OR7D2: variants seen among roughly 807,000 people sequenced by gnomAD.
OR7D2 encodes olfactory receptor 7D2.
For synonymous variants in OR7D2, 158 were observed against 158.7 expected, an observed-to-expected ratio of 1.00 and a Z score of 0.03; for missense variants, 370 against 384.1, an observed-to-expected ratio of 0.96 and a Z score of 0.31.
chr19:9,185,988 T>C lies in OR7D2; in HGVS notation c.207T>C (p.Val69=), dbSNP rs56246934. 441,756 of 1,613,662 alleles carry C rather than the reference T, an allele frequency of 0.27. 62,127 individuals are homozygous for C. Among genetic ancestry groups the C allele is most frequent in the Middle Eastern group, 0.29 (1,740 of 6,060 alleles). The change falls in exon 3 of 3, where the codon GTT becomes GTC. Residue 69 remains valine (V), a synonymous_variant. Transcript: ENST00000641288. The part of the protein sequence containing the change: ...MYFFLSNLSW[V]DICFSTCIVP... ...TCTTCCTCTCCAACCTGTCCTGGGT[T>C]GACATCTGTTTCAGCACTTGCATCG...
In OR7D2 at chr19:9,188,338, C is replaced by G. The variant is rs2051054488; in HGVS notation, c.*1618C>G. 6.3e-6 allele frequency: 1 copy of G among 157,664 alleles called. No individual in the cohort carries two copies. Among genetic ancestry groups the G allele is most frequent in the Admixed American group, 6.5e-5 (1 of 15,270 alleles). 9.8% of individuals were successfully genotyped at this position (157,664 alleles called of 1,614,324 possible). A position where few individuals can be genotyped will look rare whatever the true frequency, so the allele number is the denominator to read the frequency against. On this transcript the variant is annotated 3_prime_UTR_variant, in exon 3 of 3. Coordinates refer to ENST00000641288, the MANE Select transcript of OR7D2 (RefSeq NM_175883.4). Reference sequence around the variant, plus strand: ...AACTCCTGACCTCAGGTGATACGCCCACCTCGGCCTCCCAAAGTGCTGGGA... The same window carrying G: ...AACTCCTGACCTCAGGTGATACGCCGACCTCGGCCTCCCAAAGTGCTGGGA...
chr19:9,179,389 A>C (rs2145977452), intron 1 of OR7D2, among the ~76,000 whole-genome samples: 1 of 151,986 alleles, frequency 6.6e-6, no homozygotes, highest in Admixed American at 6.6e-5. Flanking sequence ...AAAATACAAA[A>C]ATTAGCTGGG....
At position 9,187,402 on chromosome 19, in the gene OR7D2, C is replaced by T. The variant is rs80252081; in HGVS notation, c.*682C>T. On this transcript the variant is annotated 3_prime_UTR_variant, in exon 3 of 3. Transcript: ENST00000641288. ...GATGTTGCTGCAAAAGACATGATTT[C>T]ATCCTTTTTTATGGCTGAGTAGTAC... is the stretch of plus-strand genomic sequence containing the variant. The T allele has an allele frequency of 6.0e-3, 1,002 of 166,162 alleles. 14 individuals are homozygous for T. The East Asian group carries it at 0.074, about 12-fold the overall frequency. 10.3% of individuals were successfully genotyped at this position (166,162 alleles called of 1,614,324 possible). A position where few individuals can be genotyped will look rare whatever the true frequency, so the allele number is the denominator to read the frequency against.
chr19:9,182,455 C>T lies in OR7D2; in HGVS notation c.-14+1667C>T, dbSNP rs537355153. 9 of 311,056 alleles carry T rather than the reference C, an allele frequency of 2.9e-5. 1 individual carries two copies. The highest frequency in any genetic ancestry group is 1.1e-3 in the Middle Eastern group (1 of 872). 19.3% of individuals were successfully genotyped at this position (311,056 alleles called of 1,614,324 possible). On this transcript the variant is annotated intron_variant, in intron 2 of 2. Transcript: ENST00000641288. The stretch of plus-strand genomic sequence containing the variant: ...TCGGGAATCTCGGTGGAGCTGTTAG[C>T]GTAGCGAACCTTGTACATAAAATAC...
rs181120027 is a variant in OR7D2, at chr19:9,187,094, G to T, written c.*374G>T. The T allele has an allele frequency of 3.8e-3, 612 of 159,920 alleles. 4 individuals carry two copies. Among genetic ancestry groups the T allele is most frequent in the Non-Finnish European group, 5.7e-3 (405 of 71,342 alleles). The allele number at this position is 159,920 out of a possible 1,614,324, so 9.9% of individuals were successfully genotyped here. A position where few individuals can be genotyped will look rare whatever the true frequency, so the allele number is the denominator to read the frequency against. ...CCACCCATGCCTTTTAGTAGAGACG[G>T]GGTTTCACCATCTTGGCCAGGCTGG... On this transcript the variant is annotated 3_prime_UTR_variant, in exon 3 of 3. Transcript: ENST00000641288.
Position 9,186,730 on chromosome 19 carries a change from T to C in OR7D2, c.*10T>C, listed in dbSNP as rs1454832692. The C allele has an allele frequency of 1.3e-6, 2 of 1,569,810 alleles. No individual in the cohort carries two copies. The highest frequency in any genetic ancestry group is 1.2e-5 in the South Asian group (1 of 84,272). On this transcript the variant is annotated 3_prime_UTR_variant, in exon 3 of 3. Transcript: ENST00000641288. ...AGCCTCTTGTTTGTGATGGATCCCT[T>C]GGCCCCAGGACTAAGAAGTTTTGTG...
At chr19:9,179,576 C>G (rs1335233795) in intron 1 of OR7D2, among the ~76,000 whole-genome samples, 1 of 151,906 alleles carries the variant, frequency 6.6e-6, no homozygotes, top group Non-Finnish European at 1.5e-5. Context: ...GCAACTGTTT[C>G]TGTCACCTCC....
At chr19:9,179,291 A>G (rs561305703) in intron 1 of OR7D2, among the ~76,000 whole-genome samples, 168 bp downstream of exon 1, 1 of 152,230 alleles carries the variant, frequency 6.6e-6, no homozygotes, top group African/African-American at 2.4e-5. Flanking sequence ...AAGGCATTGC[A>G]ACTTTTGGGA....
rs747780315 is a variant in OR7D2, at chr19:9,185,884, T to C, written c.103T>C (p.Tyr35His). The change falls in exon 3 of 3, where the codon TAC (tyrosine) becomes CAC (histidine). Residue 35 changes from tyrosine (Y) to histidine (H), a missense_variant. Physicochemically the swap from Tyr to His is moderately conservative, Grantham distance 83 (BLOSUM62 2). Transcript: ENST00000641288. ...PFIFGLFLSMYLVTVLGNLLI... is the reference protein window; with the variant it reads ...PFIFGLFLSMHLVTVLGNLLI... ...CATATTTGGGCTGTTCCTGTCCATG[T>C]ACCTGGTGACGGTGCTGGGAAACCT... The C allele has an allele frequency of 5.6e-6, 9 of 1,613,904 alleles. No homozygotes were observed. In the East Asian group the frequency reaches 6.7e-5, roughly 12 times the overall value.
chr19:9,185,022 G>T (rs2051020021), intron 2 of OR7D2, among the ~76,000 whole-genome samples: 1 of 152,008 alleles, frequency 6.6e-6, no homozygotes, highest in Non-Finnish European at 1.5e-5. Context: ...CCAGAGGAGG[G>T]GTGCGGCTGG....
intron 1 of OR7D2, among the ~76,000 whole-genome samples, chr19:9,179,521 C>T (rs1043306560): frequency 1.3e-5 from 2 of 149,652 alleles, no homozygotes; most frequent in African/African-American, 4.9e-5. Context: ...GCCTGGGTGA[C>T]AGAGTGAGTG....
chr19:9,185,911 C>T lies in OR7D2; in HGVS notation c.130C>T (p.Leu44Phe), dbSNP rs1161281264. 6.2e-7 allele frequency: 1 copy of T among 1,614,116 alleles called. No individual in the cohort carries two copies. Residue 44 changes from leucine to phenylalanine, a missense_variant, in exon 3 of 3, where the codon CTC (leucine) becomes TTC (phenylalanine). Coordinates refer to ENST00000641288, the MANE Select transcript of OR7D2 (RefSeq NM_175883.4). Reference sequence around the variant, plus strand: ...CCTGGTGACGGTGCTGGGAAACCTGCTCATCATCCTGGCCATCAGCTCTGA... The same window carrying T: ...CCTGGTGACGGTGCTGGGAAACCTGTTCATCATCCTGGCCATCAGCTCTGA... ...MYLVTVLGNL[L>F]IILAISSDSH...
At chr19:9,183,023 C>G (rs749442600) in intron 2 of OR7D2, 55 of 404,752 alleles carry the variant, frequency 1.4e-4, no homozygotes, top group Non-Finnish European at 2.6e-4. Flanking sequence ...TTCACAGCCA[C>G]CGTAGGTTTT....
chr19:9,182,038 G>A (rs1049877214), intron 2 of OR7D2, among the ~76,000 whole-genome samples: 34 of 152,038 alleles, frequency 2.2e-4, no homozygotes, highest in African/African-American at 8.2e-4. Flanking sequence ...ATTTTGTTTG[G>A]GACGTTATAA....
chr19:9,185,895 G>C lies in OR7D2; in HGVS notation c.114G>C (p.Thr38=). ...TGTTCCTGTCCATGTACCTGGTGAC[G>C]GTGCTGGGAAACCTGCTCATCATCC... ...FGLFLSMYLV[T]VLGNLLIILA... is the part of the protein sequence containing the mutation. The change falls in exon 3 of 3, where the codon ACG becomes ACC. Residue 38 remains threonine, a synonymous_variant. Transcript: ENST00000641288. 6.2e-7 allele frequency: 1 copy of C among 1,613,920 alleles called. No individual in the cohort carries two copies. Among genetic ancestry groups the C allele is most frequent in the Non-Finnish European group, 8.5e-7 (1 of 1,179,930 alleles).
rs13345452 is a variant in OR7D2, at chr19:9,186,371, C to T, written c.590C>T (p.Thr197Met). 1.3e-3 allele frequency: 2,117 copies of T among 1,613,908 alleles called. 27 individuals carry two copies. The African/African-American group carries it at 0.025, about 19-fold the overall frequency. The change falls in exon 3 of 3, where the codon ACG becomes ATG. Residue 197 changes from threonine (T) to methionine (M), a missense_variant. Physicochemically the swap from Thr to Met is moderately conservative, Grantham distance 81 (BLOSUM62 -1). Coordinates refer to ENST00000641288, the MANE Select transcript of OR7D2 (RefSeq NM_175883.4). ...TGCTCTGATACCTTCCTGAACAGCA[C>T]GTTGATATACTTTATGACGGGTGTG... Reference protein sequence around the residue: ...LACSDTFLNSTLIYFMTGVLG... With the variant: ...LACSDTFLNSMLIYFMTGVLG...
intron 2 of OR7D2, among the ~76,000 whole-genome samples, chr19:9,184,328 C>T (rs190065112): frequency 2.6e-5 from 4 of 151,960 alleles, no homozygotes; most frequent in East Asian, 1.9e-4. Flanking sequence ...GCACAAGAAT[C>T]GCTTAAACTT....
At chr19:9,182,930 C>T (rs2145980297) in intron 2 of OR7D2, 1 of 437,406 alleles carries the variant, frequency 2.3e-6, no homozygotes. Flanking sequence ...TTTTATCGTG[C>T]CCGATGTTAA....
rs2051028804 is a variant in OR7D2, at chr19:9,186,003, C to T, written c.222C>T (p.Ser74=). 1.9e-6 allele frequency: 3 copies of T among 1,614,116 alleles called. No individual in the cohort carries two copies. The Admixed American group carries it at 5.0e-5, about 27-fold the overall frequency. Residue 74 remains serine, a synonymous_variant, in exon 3 of 3, where the codon AGC becomes AGT. Transcript: ENST00000641288. ...SNLSWVDICF[S]TCIVPKMLVN... is the part of the protein sequence containing the mutation. ...TGTCCTGGGTTGACATCTGTTTCAG[C>T]ACTTGCATCGTCCCCAAGATGCTGG...
Sources: gnomAD v4.1 joint callset for allele counts (sites outside exome capture counted in the v4.1 genomes callset) on GRCh38, gnomAD v4.1.1 for gene constraint, MANE v1.5 for transcripts, NCBI Gene and HGNC (gene_info 2026-07-23, HGNC 2026-07-21) for gene names.